Variants in ELAPOR2 observed in about 807,000 individuals in gnomAD.
ELAPOR2 encodes the protein endosome/lysosome-associated apoptosis and autophagy regulator family member 2.
Under a neutral mutation model 120.7 loss-of-function variants are expected in ELAPOR2, and 89 were observed. That is an observed-to-expected ratio of 0.74 (90% CI 0.62 to 0.88). The LOEUF (loss-of-function observed/expected upper bound fraction) is 0.88. ELAPOR2 is among the 40% of genes least tolerant of loss of function. The pLI, the probability that ELAPOR2 is intolerant of heterozygous loss-of-function variation, is 0.00. For synonymous variants in ELAPOR2, 444 were observed against 444.9 expected (o/e 1.00, Z 0.03); for missense variants, 1,134 against 1,251.6 (o/e 0.91, Z 1.42).
At chr7:86,904,432 A>T (rs1176622539) in intron 18 of ELAPOR2, among the ~76,000 whole-genome samples, 1 of 152,208 alleles carries the variant, frequency 6.6e-6, no homozygotes, top group African/African-American at 2.4e-5. Flanking sequence ...TAGGAATATC[A>T]GCAGCCTATT....
At chr7:86,907,567 T>C in intron 18 of ELAPOR2, 103 bp downstream of exon 18, 1 of 778,064 alleles carries the variant, frequency 1.3e-6, no homozygotes, top group Non-Finnish European at 2.0e-6. Flanking sequence ...TTGTTCTGTT[T>C]TCTTTCTGCT....
chr7:86,977,191 T>C (rs17609037), intron 1 of ELAPOR2, among the ~76,000 whole-genome samples: 2,331 of 152,298 alleles, frequency 0.015, 27 homozygotes, highest in Non-Finnish European at 0.024. Context: ...TCGACCACCT[T>C]GTAAGGCAGA....
Position 86,897,527 on chromosome 7 carries a change from T to C in ELAPOR2, c.2664A>G (p.Gly888=). 2 of 1,612,852 alleles carry C rather than the reference T, an allele frequency of 1.2e-6. No homozygotes were observed. Among genetic ancestry groups the C allele is most frequent in the East Asian group, 2.2e-5 (1 of 44,788 alleles). ...TTACCTGAAATCCTCTCTTGCAGGCTCCCTCAATCTCATGGAAGTCATGCT... is the reference window on the plus strand; with the variant it reads ...TTACCTGAAATCCTCTCTTGCAGGCCCCCTCAATCTCATGGAAGTCATGCT... ...CTEHDFHEIE[G]ACKRGFQETL... The change falls in exon 19 of 22, where the codon GGA becomes GGG. Residue 888 remains glycine (G), a synonymous_variant. Transcript: ENST00000450689.
intron 18 of ELAPOR2, among the ~76,000 whole-genome samples, chr7:86,905,067 G>C (rs1051762669): frequency 7.1e-6 from 1 of 140,074 alleles, no homozygotes; most frequent in Non-Finnish European, 1.5e-5. Context: ...AAGACAGAGA[G>C]AGAGAAGGAA....
At chr7:86,946,157 T>TCACACACACACACACACACACACA (rs1491424238) in intron 3 of ELAPOR2, among the ~76,000 whole-genome samples, 20 of 110,550 alleles carry the variant, frequency 1.8e-4, no homozygotes, top group African/African-American at 8.4e-4. Flanking sequence ...GGATACCATT[T>TCACACACACACACACACACACACA]CTCACACACA....
At chr7:86,992,414 G>C (rs549686380) in intron 1 of ELAPOR2, among the ~76,000 whole-genome samples, 2 of 152,226 alleles carry the variant, frequency 1.3e-5, no homozygotes, top group East Asian at 3.9e-4. Context: ...ATGGGCAACA[G>C]AGCAAGATTC....
intron 1 of ELAPOR2, among the ~76,000 whole-genome samples, chr7:86,968,096 T>C (rs190104137): frequency 6.6e-6 from 1 of 152,300 alleles, no homozygotes; most frequent in East Asian, 1.9e-4. Context: ...AACAGTGTGG[T>C]ACAGTAAAAT....
intron 2 of ELAPOR2, among the ~76,000 whole-genome samples, chr7:86,961,026 C>T (rs1022770345): frequency 2.0e-5 from 3 of 152,000 alleles, no homozygotes; most frequent in Non-Finnish European, 2.9e-5. Context: ...ATGTTTGAAG[C>T]CACATTAATT....
Position 87,040,429 on chromosome 7 carries a change from T to C in ELAPOR2, c.189+18896A>G, listed in dbSNP as rs577675928. Among the ~76,000 whole-genome samples the C allele has an allele frequency of 8.2e-3, 1,243 of 152,274 alleles. 18 individuals are homozygous for C. The highest frequency in any genetic ancestry group is 0.028 in the African/African-American group (1,168 of 41,530). On this transcript the variant is annotated intron_variant, in intron 1 of 21. Transcript: ENST00000450689. ...CAGCACGCAGCTGGAGATCTGAGAATGGGCAGACTGCCTCCTCAAGTGGGT... is the reference window on the plus strand; with the variant it reads ...CAGCACGCAGCTGGAGATCTGAGAACGGGCAGACTGCCTCCTCAAGTGGGT...
At chr7:86,952,970 C>A (rs577791058) in intron 2 of ELAPOR2, among the ~76,000 whole-genome samples, 15 of 152,032 alleles carry the variant, frequency 9.9e-5, no homozygotes, top group Admixed American at 3.3e-4. Context: ...GTGGCGCACA[C>A]CTGTAATCTC....
In ELAPOR2 at chr7:86,887,596, A is replaced by G. The variant is rs74669261; in HGVS notation, c.3030+4128T>C. ...TAAAGACCATTTGCTGTCTGACAAT[A>G]GGACACTTTTTATCACAAAAGCTAC... On this transcript the variant is annotated intron_variant, in intron 21 of 21. Transcript: ENST00000450689. 1.3e-3 allele frequency among the ~76,000 whole-genome samples: 196 copies of G among 152,262 alleles called. 7 individuals carry two copies. The East Asian group carries it at 0.025, about 19-fold the overall frequency.
At chr7:86,917,462 T>C (rs561013603) in intron 12 of ELAPOR2, among the ~76,000 whole-genome samples, 15 of 151,666 alleles carry the variant, frequency 9.9e-5, no homozygotes, top group East Asian at 3.9e-4. Context: ...GATGAAAGAG[T>C]AGAGATGAGA....
intron 1 of ELAPOR2, among the ~76,000 whole-genome samples, chr7:86,971,900 T>C (rs544471985): frequency 3.9e-5 from 6 of 152,228 alleles, no homozygotes; most frequent in Non-Finnish European, 7.4e-5. Context: ...GTTGAAAATC[T>C]GTTTGAGAAT....
chr7:87,015,696 G>A (rs747331319), intron 1 of ELAPOR2, among the ~76,000 whole-genome samples: 11 of 152,106 alleles, frequency 7.2e-5, no homozygotes, highest in Admixed American at 1.3e-4. Flanking sequence ...GCTGAGGCAC[G>A]AGAATTGCTT....
intron 8 of ELAPOR2, among the ~76,000 whole-genome samples, chr7:86,931,825 T>C (rs2116273274): frequency 6.6e-6 from 1 of 152,142 alleles, no homozygotes; most frequent in Non-Finnish European, 1.5e-5. Context: ...ATGAAAATTC[T>C]CAGTATACCA....
chr7:86,996,194 G>A (rs1285968111), intron 1 of ELAPOR2, among the ~76,000 whole-genome samples: 1 of 152,162 alleles, frequency 6.6e-6, no homozygotes, highest in African/African-American at 2.4e-5. Context: ...AAACAAATTA[G>A]GGTGCTCTGA....
At chr7:86,899,428 C>T (rs1295757481) in intron 18 of ELAPOR2, among the ~76,000 whole-genome samples, 1 of 152,106 alleles carries the variant, frequency 6.6e-6, no homozygotes, top group African/African-American at 2.4e-5. Flanking sequence ...GTCCTGAGGA[C>T]AGGTGTCCTG....
At chr7:86,947,943 C>A in intron 2 of ELAPOR2, 21 bp from the exon 3 acceptor site, 1 of 1,504,844 alleles carries the variant, frequency 6.6e-7, no homozygotes, top group Non-Finnish European at 9.0e-7. Flanking sequence ...GAAGAATGGA[C>A]AACCCATTAC....
chr7:87,012,006 A>G (rs1002210740), intron 1 of ELAPOR2, among the ~76,000 whole-genome samples: 1 of 152,236 alleles, frequency 6.6e-6, no homozygotes, highest in Admixed American at 6.5e-5. Flanking sequence ...GAACAGTAAC[A>G]ATATAAAAAT....
Sources: allele counts gnomAD v4.1 joint callset (sites outside exome capture counted in the v4.1 genomes callset), GRCh38; gene constraint gnomAD v4.1.1; transcripts MANE v1.5; gene names NCBI Gene and HGNC (gene_info 2026-07-23, HGNC 2026-07-21).